Variants in FMN1 observed in about 807,000 individuals in gnomAD.
The protein encoded by FMN1 is formin 1, also known as formin-1.
FMN1 carries 110 observed loss-of-function variants against 132.4 expected under a neutral mutation model. The ratio of observed to expected loss-of-function variants is 0.83; its 90% confidence interval spans 0.71 to 0.97. The LOEUF is 0.97. FMN1 is among the 50% of genes least tolerant of loss of function. The pLI is 0.00. For missense variants in FMN1, 1,792 were observed against 1,705.3 expected, an observed-to-expected ratio of 1.05 and a Z score of -0.90; for synonymous variants, 722 against 651.7, an observed-to-expected ratio of 1.11 and a Z score of -1.64.
chr15:32,864,725 C>T (rs942992213), intron 16 of FMN1, among the ~76,000 whole-genome samples: 6 of 152,100 alleles, frequency 3.9e-5, no homozygotes, highest in Non-Finnish European at 8.8e-5. Context: ...CAAACAAGTG[C>T]CTTTTTATAG....
chr15:32,888,100 A>G, intron 16 of FMN1, 72 bp downstream of exon 16: 1 of 1,357,148 alleles, frequency 7.4e-7, no homozygotes, highest in Non-Finnish European at 9.9e-7. Flanking sequence ...AACCAGACCT[A>G]AATAATCCTC....
At chr15:33,111,072 A>G (rs113346460) in intron 4 of FMN1, among the ~76,000 whole-genome samples, 11 of 151,750 alleles carry the variant, frequency 7.2e-5, no homozygotes, top group African/African-American at 2.7e-4. Flanking sequence ...CTGACCTTAC[A>G]TTCATTTCTC....
intron 9 of FMN1, 79 bp from the exon 10 acceptor site, chr15:32,926,340 A>C: frequency 1.3e-6 from 1 of 747,438 alleles, no homozygotes; most frequent in Non-Finnish European, 2.2e-6. Context: ...AAAAACATTA[A>C]ATTTTTTTAG....
chr15:33,036,522 A>G (rs1269864029), intron 6 of FMN1, among the ~76,000 whole-genome samples: 1 of 152,178 alleles, frequency 6.6e-6, no homozygotes, highest in African/African-American at 2.4e-5. Flanking sequence ...CATGGCTCCC[A>G]ATGAGAGCTG....
intron 4 of FMN1, among the ~76,000 whole-genome samples, chr15:33,145,157 T>C (rs1341472674): frequency 6.6e-6 from 1 of 152,052 alleles, no homozygotes; most frequent in Non-Finnish European, 1.5e-5. Context: ...TCCTCATCAC[T>C]GCTTTCATCT....
chr15:32,952,548 C>T (rs2061677036), intron 9 of FMN1, among the ~76,000 whole-genome samples: 1 of 152,158 alleles, frequency 6.6e-6, no homozygotes, highest in Non-Finnish European at 1.5e-5. Flanking sequence ...AATGTAATAA[C>T]CGTTTGAAAA....
At chr15:32,859,749 T>G (rs2059220082) in intron 16 of FMN1, among the ~76,000 whole-genome samples, 1 of 152,210 alleles carries the variant, frequency 6.6e-6, no homozygotes. Context: ...CAGATTTCCT[T>G]ATCTTGGCTG....
chr15:32,860,174 AAG>A (rs1308960016), intron 16 of FMN1, among the ~76,000 whole-genome samples: 3 of 130,496 alleles, frequency 2.3e-5, no homozygotes, highest in Non-Finnish European at 3.4e-5. Flanking sequence ...AAAAGGAAAA[AAG>A]AAAAGGGAGG....
intron 2 of FMN1, among the ~76,000 whole-genome samples, chr15:33,182,142 A>G (rs1965726887): frequency 6.6e-6 from 1 of 152,192 alleles, no homozygotes; most frequent in African/African-American, 2.4e-5. Flanking sequence ...AGCTGGAATC[A>G]TTGGAAGTAC....
chr15:33,036,266 G>A (rs1462311307), intron 6 of FMN1, among the ~76,000 whole-genome samples: 1 of 152,112 alleles, frequency 6.6e-6, no homozygotes, highest in East Asian at 1.9e-4. Context: ...AGAGAGCCTG[G>A]TGTGTAGGAG....
At chr15:33,135,372 T>C (rs775438793) in intron 4 of FMN1, among the ~76,000 whole-genome samples, 13 of 152,210 alleles carry the variant, frequency 8.5e-5, no homozygotes, top group Admixed American at 2.6e-4. Context: ...GATTTTGCAA[T>C]GTTGGTACAA....
At chr15:33,035,395 C>T (rs758105313) in intron 6 of FMN1, among the ~76,000 whole-genome samples, 32 of 152,112 alleles carry the variant, frequency 2.1e-4, no homozygotes, top group Non-Finnish European at 4.1e-4. Context: ...CCCCTGAATT[C>T]TGTCTACGGA....
intron 3 of FMN1, among the ~76,000 whole-genome samples, chr15:33,172,345 C>T (rs1257323276): frequency 6.6e-6 from 1 of 152,110 alleles, no homozygotes; most frequent in African/African-American, 2.4e-5. Flanking sequence ...ATGATCAACC[C>T]ACATACTAAA....
chr15:33,186,391 A>G (rs1405209516), intron 2 of FMN1, among the ~76,000 whole-genome samples: 1 of 152,092 alleles, frequency 6.6e-6, no homozygotes, highest in Non-Finnish European at 1.5e-5. Flanking sequence ...CCTCAAATAG[A>G]AAAGTGTTTA....
chr15:33,056,510 G>C (rs1027074605), intron 6 of FMN1, among the ~76,000 whole-genome samples: 6 of 152,222 alleles, frequency 3.9e-5, no homozygotes, highest in African/African-American at 1.4e-4. Flanking sequence ...AGTTTGAACA[G>C]TAGGCCCCCT....
chr15:32,863,412 C>T (rs1044208452), intron 16 of FMN1, among the ~76,000 whole-genome samples: 6 of 151,852 alleles, frequency 4.0e-5, no homozygotes, highest in Admixed American at 6.6e-5. Context: ...CCAGCCTGGG[C>T]GACAGAGCGA....
intron 15 of FMN1, among the ~76,000 whole-genome samples, chr15:32,889,710 G>A (rs893905684): frequency 2.1e-5 from 3 of 142,376 alleles, no homozygotes; most frequent in South Asian, 2.3e-4. Context: ...CCTCCAGCAC[G>A]TGGGTGTTTC....
chr15:32,787,551 G>C (rs996944902), intron 19 of FMN1, among the ~76,000 whole-genome samples: 3 of 152,172 alleles, frequency 2.0e-5, no homozygotes, highest in African/African-American at 7.2e-5. Context: ...CCAGAATTTA[G>C]CCTTTAAAAG....
intron 17 of FMN1, among the ~76,000 whole-genome samples, chr15:32,826,336 G>T (rs1444291616): frequency 1.3e-5 from 2 of 152,252 alleles, no homozygotes; most frequent in Non-Finnish European, 2.9e-5. Flanking sequence ...AGCCTGAGAG[G>T]CTACAGGCCA....
Sources: allele counts gnomAD v4.1 joint callset (sites outside exome capture counted in the v4.1 genomes callset), GRCh38; gene constraint gnomAD v4.1.1; transcripts MANE v1.5; gene names NCBI Gene and HGNC (gene_info 2026-07-23, HGNC 2026-07-21).